XRN1: variants seen among roughly 807,000 people sequenced by gnomAD.
The protein encoded by XRN1 is strand-exchange protein 1 homolog.
XRN1 carries 67 observed loss-of-function variants against 222.3 expected under a neutral mutation model. The ratio of observed to expected loss-of-function variants is 0.30; its 90% CI spans 0.25 to 0.37. The LOEUF (loss-of-function observed/expected upper bound fraction) is 0.37. Among genes scored for constraint, XRN1 ranks in the 10% least tolerant of loss-of-function variants. The pLI is 1.00. For missense variants in XRN1, 1,707 were observed against 2,000.2 expected (o/e 0.85, Z 2.80); for synonymous variants, 643 against 652.4 (o/e 0.99, Z 0.22).
At chr3:142,387,335 G>T (rs1356632152) in intron 20 of XRN1, among the ~76,000 whole-genome samples, 2 of 152,162 alleles carry the variant, frequency 1.3e-5, no homozygotes, top group Non-Finnish European at 2.9e-5. Context: ...GGGAGCAGCG[G>T]ATGGTAATGG....
At chr3:142,439,287 G>A (rs2070085316) in intron 1 of XRN1, among the ~76,000 whole-genome samples, 1 of 152,190 alleles carries the variant, frequency 6.6e-6, no homozygotes, top group Non-Finnish European at 1.5e-5. Context: ...TGGTATCTCA[G>A]TTAGGTCAAT....
At chr3:142,315,318 G>A (rs1224938248) in intron 39 of XRN1, among the ~76,000 whole-genome samples, 1 of 151,796 alleles carries the variant, frequency 6.6e-6, no homozygotes. Flanking sequence ...TTTTGGTTTG[G>A]TTTGGGCCTT....
intron 32 of XRN1, 80 bp from the exon 33 acceptor site, chr3:142,347,422 T>C: frequency 1.1e-6 from 1 of 913,394 alleles, no homozygotes. Flanking sequence ...AATAAATACA[T>C]TTTTATAAAA....
rs764876316 is a variant in XRN1, at chr3:142,329,492, C to T, written c.4346G>A (p.Arg1449Gln). 2.4e-5 allele frequency: 39 copies of T among 1,594,540 alleles called. No individual in the cohort carries two copies. The South Asian group carries it at 4.0e-4, about 16-fold the overall frequency. Residue 1449 changes from arginine to glutamine, a missense_variant, in exon 37 of 41, where the codon CGA becomes CAA. By Grantham distance (43) the Arg-to-Gln change is conservative (BLOSUM62 1). Around this residue, in one of 2 missense-constraint regions of XRN1, gnomAD observed 473 missense variants for 482.0 expected, o/e 0.98. Coordinates refer to ENST00000392981, the MANE Select transcript of XRN1 (RefSeq NM_001282857.2). Reference sequence around the variant, plus strand: ...TGGCATTCCAACAAGGGAACAAATTCGAGAAAGTTCAGTTACTGGTGTGGA... The same window carrying T: ...TGGCATTCCAACAAGGGAACAAATTTGAGAAAGTTCAGTTACTGGTGTGGA... Reference protein sequence around the residue: ...PVSTPVTELSRICSLVGMPQP... With the variant: ...PVSTPVTELSQICSLVGMPQP...
chr3:142,328,692 T>G (rs2065590990), intron 37 of XRN1, among the ~76,000 whole-genome samples: 1 of 109,186 alleles, frequency 9.2e-6, no homozygotes, highest in African/African-American at 3.4e-5. Context: ...CATATAGGTT[T>G]ACTTGTAATA....
chr3:142,317,643 G>A (rs182635285), intron 39 of XRN1, among the ~76,000 whole-genome samples: 26 of 152,234 alleles, frequency 1.7e-4, no homozygotes, highest in South Asian at 4.1e-4. Context: ...GTCTGGCTGC[G>A]TCACAGAGGG....
At chr3:142,421,599 T>G in intron 8 of XRN1, 56 bp from the exon 9 acceptor site, 1 of 1,289,760 alleles carries the variant, frequency 7.8e-7, no homozygotes, top group Non-Finnish European at 1.1e-6. Flanking sequence ...TTCTAAACAA[T>G]TCTACAAAAC....
At chr3:142,397,128 T>C (rs969584140) in intron 20 of XRN1, among the ~76,000 whole-genome samples, 1 of 152,174 alleles carries the variant, frequency 6.6e-6, no homozygotes, top group East Asian at 1.9e-4. Flanking sequence ...TCATTAGGTA[T>C]TTTAGTGACA....
intron 32 of XRN1, among the ~76,000 whole-genome samples, chr3:142,349,245 C>T (rs570811535): frequency 3.2e-4 from 48 of 152,130 alleles, no homozygotes; most frequent in Non-Finnish European, 3.4e-4. Flanking sequence ...TGAGCCACTG[C>T]GCCCGGCCAG....
intron 33 of XRN1, among the ~76,000 whole-genome samples, chr3:142,340,377 G>GAAGAGAA: frequency 6.6e-6 from 1 of 151,462 alleles, no homozygotes; most frequent in Admixed American, 6.6e-5. Context: ...CACACACAGA[G>GAAGAGAA]AAGAGAAAAG....
chr3:142,408,350 C>G (rs1577381846), intron 15 of XRN1, among the ~76,000 whole-genome samples: 1 of 152,124 alleles, frequency 6.6e-6, no homozygotes, highest in East Asian at 1.9e-4. Flanking sequence ...TGTGGGGGTG[C>G]TTGGGTGGGG....
At chr3:142,441,831 C>T (rs1211793995) in intron 1 of XRN1, among the ~76,000 whole-genome samples, 1 of 152,216 alleles carries the variant, frequency 6.6e-6, no homozygotes. Context: ...ATTGCTCAAA[C>T]CTAAGCCGCT....
chr3:142,354,749 T>C (rs563204335), intron 32 of XRN1, among the ~76,000 whole-genome samples: 1 of 152,226 alleles, frequency 6.6e-6, no homozygotes, highest in South Asian at 2.1e-4. Context: ...CAGGCTGGTC[T>C]CGAACTCCTG....
chr3:142,358,409 T>A (rs909188708), intron 30 of XRN1, among the ~76,000 whole-genome samples: 2 of 152,186 alleles, frequency 1.3e-5, no homozygotes, highest in Non-Finnish European at 2.9e-5. Flanking sequence ...TTTCTTATAT[T>A]GAAAGAAAGT....
At chr3:142,312,132 ACAGG>A (rs2065093575) in intron 40 of XRN1, among the ~76,000 whole-genome samples, 1 of 152,022 alleles carries the variant, frequency 6.6e-6, no homozygotes. Context: ...CAAAAACTAG[ACAGG>A]CATGGTGGCA....
At chr3:142,361,329 C>T (rs2066623810) in intron 29 of XRN1, among the ~76,000 whole-genome samples, 1 of 152,194 alleles carries the variant, frequency 6.6e-6, no homozygotes, top group South Asian at 2.1e-4. Flanking sequence ...TTATTACATA[C>T]ATATAAAGCT....
At chr3:142,436,683 C>A (rs1206675314) in intron 1 of XRN1, among the ~76,000 whole-genome samples, 1 of 151,988 alleles carries the variant, frequency 6.6e-6, no homozygotes, top group Non-Finnish European at 1.5e-5. Context: ...TGGAATTCAA[C>A]ACAGCAATTA....
At chr3:142,426,867 C>G (rs767632320) in intron 2 of XRN1, 26 bp from the exon 3 acceptor site, 1 of 1,589,848 alleles carries the variant, frequency 6.3e-7, no homozygotes, top group Non-Finnish European at 8.6e-7. Context: ...AAAAAAGTAC[C>G]TTAAGTTTTC....
rs1450719094 is a variant in XRN1 at position 142,380,091 on chromosome 3, C to T, written c.2706G>A (p.Gln902=). The T allele has an allele frequency of 1.4e-5, 22 of 1,613,088 alleles. No individual in the cohort carries two copies. The highest frequency in any genetic ancestry group is 1.9e-5 in the Non-Finnish European group (22 of 1,179,404). The change falls in exon 23 of 41, where the codon CAG becomes CAA. Residue 902 remains glutamine, a synonymous_variant. Coordinates refer to ENST00000392981, the MANE Select transcript of XRN1 (RefSeq NM_001282857.2). Reference sequence around the variant, plus strand: ...AAACTACTGTACTCACATGCTGGTTCTGTATTAAAGCATCAAGATTGGGTT... The same window carrying T: ...AAACTACTGTACTCACATGCTGGTTTTGTATTAAAGCATCAAGATTGGGTT... ...PCEPNLDALI[Q]NQHKYSIKYN...
Sources: gnomAD v4.1 joint callset for allele counts (sites outside exome capture counted in the v4.1 genomes callset) on GRCh38, gnomAD v4.1.1 for gene constraint, gnomAD v4.1.1 regional missense constraint, MANE v1.5 for transcripts, NCBI Gene and HGNC (gene_info 2026-07-23, HGNC 2026-07-21) for gene names.